Variants in CSMD3 observed in about 807,000 individuals in gnomAD.
CSMD3 encodes the protein CUB and Sushi multiple domains 3.
In CSMD3, 177 loss-of-function variants were observed where a neutral mutation model predicts 435.2. The ratio of observed to expected loss-of-function variants is 0.41; its 90% CI spans 0.36 to 0.46. CSMD3 has a LOEUF of 0.46. Among genes scored for constraint, CSMD3 ranks in the 20% least tolerant of loss-of-function variants. CSMD3 has a pLI of 0.34. For missense variants in CSMD3, 4,265 were observed against 4,504.6 expected (o/e 0.95, Z 1.52); for synonymous variants, 1,656 against 1,520.5 (o/e 1.09, Z -2.07).
chr8:112,501,511 T>G (rs1821958483), intron 30 of CSMD3, among the ~76,000 whole-genome samples: 1 of 152,240 alleles, frequency 6.6e-6, no homozygotes, highest in African/African-American at 2.4e-5. Context: ...TTTAATACAA[T>G]TAGCAACTTC....
At chr8:113,363,533 G>A (rs533652815) in intron 1 of CSMD3, among the ~76,000 whole-genome samples, 38 of 152,202 alleles carry the variant, frequency 2.5e-4, no homozygotes, top group East Asian at 1.4e-3. Flanking sequence ...CCTTGTTCCC[G>A]GAGGCTCTAG....
At chr8:113,165,671 TATA>T (rs1675490845) in intron 4 of CSMD3, among the ~76,000 whole-genome samples, 1 of 152,056 alleles carries the variant, frequency 6.6e-6, no homozygotes, top group Admixed American at 6.6e-5. Context: ...TATCGTAACA[TATA>T]ATACTAAAAA....
intron 22 of CSMD3, among the ~76,000 whole-genome samples, chr8:112,593,648 C>A (rs1025433541): frequency 1.3e-5 from 2 of 151,916 alleles, no homozygotes; most frequent in Admixed American, 6.6e-5. Context: ...AGAAGAGAAG[C>A]AAAATAAGAC....
intron 32 of CSMD3, among the ~76,000 whole-genome samples, chr8:112,468,939 T>C (rs1818245627): frequency 6.6e-6 from 1 of 152,048 alleles, no homozygotes; most frequent in African/African-American, 2.4e-5. Flanking sequence ...TGAATTCAAA[T>C]GAAATTCAGT....
rs757793996 is a variant in CSMD3, at chr8:112,336,655, A to G, written c.7016T>C (p.Val2339Ala). ...AATAACAATAGTCCTGACTTACCAT[A>G]CAGTAATGAAATCATATATTGGTTC... ...QTEPIYDFIT[V>A]WDGPDQNSPQ... is the part of the protein sequence containing the mutation. Residue 2339 changes from valine (V) to alanine (A), a missense_variant, in exon 44 of 71, where the codon GTA becomes GCA. Coordinates refer to ENST00000297405, the MANE Select transcript of CSMD3 (RefSeq NM_198123.2). 1 of 1,602,650 alleles carries G rather than the reference A, an allele frequency of 6.2e-7. No homozygotes were observed. The highest frequency in any genetic ancestry group is 8.5e-7 in the Non-Finnish European group (1 of 1,169,676).
intron 12 of CSMD3, among the ~76,000 whole-genome samples, chr8:112,818,290 A>G (rs1051556328): frequency 6.6e-6 from 1 of 152,122 alleles, no homozygotes; most frequent in African/African-American, 2.4e-5. Context: ...AAATAATTAG[A>G]ACATAAAAAT....
In CSMD3 at chr8:113,270,234, G is replaced by T. The variant is rs867100189; in HGVS notation, c.514+8358C>A. On this transcript the variant is annotated intron_variant, in intron 3 of 70. Coordinates refer to ENST00000297405, the MANE Select transcript of CSMD3 (RefSeq NM_198123.2). ...ATGCTCATCATCACTGGCCATCAGA[G>T]AAATGCAAATCAAAACCACAATGAG... Among the ~76,000 whole-genome samples, 17 of 151,032 alleles carry T rather than the reference G, an allele frequency of 1.1e-4. No individual in the cohort carries two copies. The South Asian group carries it at 1.5e-3, about 13-fold the overall frequency.
At chr8:112,332,404 T>G (rs1414462903) in intron 45 of CSMD3, among the ~76,000 whole-genome samples, 1 of 152,148 alleles carries the variant, frequency 6.6e-6, no homozygotes, top group African/African-American at 2.4e-5. Flanking sequence ...GATTTAAGAA[T>G]GGAAGTTCAG....
intron 35 of CSMD3, among the ~76,000 whole-genome samples, chr8:112,404,228 C>T (rs1188418585): frequency 6.6e-6 from 1 of 152,034 alleles, no homozygotes; most frequent in African/African-American, 2.4e-5. Flanking sequence ...CAAATATATT[C>T]TATAAAAATT....
intron 2 of CSMD3, among the ~76,000 whole-genome samples, chr8:113,295,564 G>A (rs1400997909): frequency 6.6e-6 from 1 of 152,156 alleles, no homozygotes; most frequent in African/African-American, 2.4e-5. Flanking sequence ...GGCCGATTTA[G>A]TGGATTGGAA....
intron 25 of CSMD3, 22 bp downstream of exon 25, chr8:112,556,741 A>C: frequency 6.3e-7 from 1 of 1,576,192 alleles, no homozygotes; most frequent in Non-Finnish European, 8.7e-7. Context: ...ATATTCAATG[A>C]AAATCTATGA....
At chr8:113,395,949 T>C (rs943128542) in intron 1 of CSMD3, among the ~76,000 whole-genome samples, 5 of 152,224 alleles carry the variant, frequency 3.3e-5, no homozygotes, top group Non-Finnish European at 7.3e-5. Flanking sequence ...AGCTTTGATA[T>C]CATCCATTCC....
At chr8:113,241,561 C>A in intron 3 of CSMD3, among the ~76,000 whole-genome samples, 1 of 150,082 alleles carries the variant, frequency 6.7e-6, no homozygotes, top group African/African-American at 2.5e-5. Flanking sequence ...TCTTCAAATG[C>A]TATTTGTAAA....
chr8:112,895,689 A>G (rs997801670), intron 10 of CSMD3, among the ~76,000 whole-genome samples: 1 of 151,384 alleles, frequency 6.6e-6, no homozygotes, highest in Non-Finnish European at 1.5e-5. Context: ...CAAGAAAAGG[A>G]GCAACTTTGA....
At chr8:113,347,988 T>C (rs1450172548) in intron 1 of CSMD3, among the ~76,000 whole-genome samples, 1 of 152,124 alleles carries the variant, frequency 6.6e-6, no homozygotes, top group Non-Finnish European at 1.5e-5. Context: ...GTGTTGAACT[T>C]GGACATTGCA....
intron 38 of CSMD3, among the ~76,000 whole-genome samples, chr8:112,356,036 G>A (rs538349503): frequency 1.3e-3 from 202 of 152,206 alleles, no homozygotes; most frequent in Admixed American, 4.0e-3. Context: ...GAGAAAAACA[G>A]ATGGTGGCAA....
intron 3 of CSMD3, among the ~76,000 whole-genome samples, chr8:113,244,053 T>C (rs999427037): frequency 6.6e-6 from 1 of 152,174 alleles, no homozygotes; most frequent in African/African-American, 2.4e-5. Flanking sequence ...TCTTTCAAAT[T>C]ATGTATCTTC....
chr8:112,772,399 G>A (rs1258293646), intron 13 of CSMD3, among the ~76,000 whole-genome samples: 3 of 152,124 alleles, frequency 2.0e-5, no homozygotes, highest in Non-Finnish European at 2.9e-5. Context: ...ACAAATGCTT[G>A]AAGGCAGCAT....
intron 32 of CSMD3, among the ~76,000 whole-genome samples, chr8:112,414,449 G>A (rs1187611476): frequency 6.6e-6 from 1 of 152,172 alleles, no homozygotes; most frequent in African/African-American, 2.4e-5. Context: ...CTTCTGCCAT[G>A]ATTGTAAATT....
Sources: gnomAD v4.1 joint callset for allele counts (sites outside exome capture counted in the v4.1 genomes callset) on GRCh38, gnomAD v4.1.1 for gene constraint, MANE v1.5 for transcripts, NCBI Gene and HGNC (gene_info 2026-07-23, HGNC 2026-07-21) for gene names.